The following SGCZ variants were observed in gnomAD, a reference collection of about 807,000 sequenced individuals.
The protein encoded by SGCZ is sarcoglycan zeta.
SGCZ carries 40 observed loss-of-function variants against 41.3 expected under a neutral mutation model. The ratio of observed to expected loss-of-function variants is 0.97; its 90% CI spans 0.75 to 1.26. The LOEUF is 1.26. Ranked by LOEUF, SGCZ falls within the 50% of genes most tolerant of loss-of-function variation. SGCZ has a pLI of 0.00. For synonymous variants in SGCZ, 206 were observed against 137.5 expected (o/e 1.50, Z -3.49); for missense variants, 552 against 369.8 (o/e 1.49, Z -4.04).
intron 1 of SGCZ, among the ~76,000 whole-genome samples, chr8:15,040,805 A>G (rs905249319): frequency 2.0e-5 from 3 of 152,204 alleles, no homozygotes; most frequent in Admixed American, 2.0e-4. Context: ...AAACATATCA[A>G]AAGATAATTT....
intron 3 of SGCZ, among the ~76,000 whole-genome samples, chr8:14,281,985 C>G (rs1292125834): frequency 6.6e-6 from 1 of 152,084 alleles, no homozygotes; most frequent in African/African-American, 2.4e-5. Context: ...CAACATTGAT[C>G]TAACCAAATG....
At chr8:14,500,088 A>G (rs1273136424) in intron 2 of SGCZ, among the ~76,000 whole-genome samples, 1 of 152,112 alleles carries the variant, frequency 6.6e-6, no homozygotes, top group African/African-American at 2.4e-5. Context: ...AAACACGGAG[A>G]GGGGAATTCG....
chr8:14,769,666 C>T (rs1220291754), intron 1 of SGCZ, among the ~76,000 whole-genome samples: 1 of 151,950 alleles, frequency 6.6e-6, no homozygotes, highest in Non-Finnish European at 1.5e-5. Flanking sequence ...GTGGCATGAG[C>T]CTGTAATCCC....
At chr8:14,519,307 T>C (rs1802718089) in intron 2 of SGCZ, among the ~76,000 whole-genome samples, 1 of 152,200 alleles carries the variant, frequency 6.6e-6, no homozygotes, top group Non-Finnish European at 1.5e-5. Context: ...GGATCTATTT[T>C]CAGCAGAGCA....
chr8:14,597,778 C>T (rs1805461204), intron 1 of SGCZ, among the ~76,000 whole-genome samples: 1 of 152,074 alleles, frequency 6.6e-6, no homozygotes, highest in Non-Finnish European at 1.5e-5. Flanking sequence ...CACCTGGCCT[C>T]ACTTCTTTTT....
intron 1 of SGCZ, among the ~76,000 whole-genome samples, chr8:15,116,137 T>C (rs899488630): frequency 5.9e-5 from 9 of 152,338 alleles, no homozygotes; most frequent in Middle Eastern, 6.8e-3. Context: ...TTAGTTTGCC[T>C]ATCTCTGCTC....
chr8:14,507,959 C>T (rs1045576596), intron 2 of SGCZ, among the ~76,000 whole-genome samples: 3 of 151,690 alleles, frequency 2.0e-5, no homozygotes, highest in Non-Finnish European at 4.4e-5. Flanking sequence ...TTAGTAGAGA[C>T]GGGGTTTTTC....
intron 4 of SGCZ, among the ~76,000 whole-genome samples, chr8:14,210,423 G>A (rs1026534640): frequency 1.3e-5 from 2 of 150,968 alleles, no homozygotes; most frequent in Non-Finnish European, 2.9e-5. Flanking sequence ...ACCCTTAATT[G>A]TTCCCTTTCT....
chr8:14,984,130 C>A (rs78297434), intron 1 of SGCZ, among the ~76,000 whole-genome samples: 12 of 152,030 alleles, frequency 7.9e-5, no homozygotes, highest in African/African-American at 2.9e-4. Context: ...ATATAGAGAG[C>A]GCTGTAGTAT....
chr8:14,338,231 G>C (rs1018219803), intron 2 of SGCZ, among the ~76,000 whole-genome samples: 32 of 152,158 alleles, frequency 2.1e-4, no homozygotes, highest in Non-Finnish European at 3.4e-4. Context: ...CCTAAGAAAG[G>C]AGGAGCTGGG....
chr8:15,005,783 CTT>C (rs1358147234), intron 1 of SGCZ, among the ~76,000 whole-genome samples: 1 of 152,134 alleles, frequency 6.6e-6, no homozygotes, highest in African/African-American at 2.4e-5. Context: ...CTTAACTAGT[CTT>C]TATTATGCTG....
At chr8:14,235,497 T>C (rs1005034885) in intron 4 of SGCZ, among the ~76,000 whole-genome samples, 1 of 152,202 alleles carries the variant, frequency 6.6e-6, no homozygotes, top group Non-Finnish European at 1.5e-5. Flanking sequence ...CAATATAACA[T>C]TAAAATCAGT....
chr8:14,604,234 A>G (rs542240444), intron 1 of SGCZ, among the ~76,000 whole-genome samples: 1 of 152,274 alleles, frequency 6.6e-6, no homozygotes, highest in Admixed American at 6.5e-5. Context: ...TTATAGAAGA[A>G]GAAGAATGAA....
At chr8:15,103,982 T>A (rs1432380532) in intron 1 of SGCZ, among the ~76,000 whole-genome samples, 1 of 152,198 alleles carries the variant, frequency 6.6e-6, no homozygotes, top group Non-Finnish European at 1.5e-5. Flanking sequence ...TAAGTGACCG[T>A]ACGCTGGATA....
chr8:14,218,344 G>C (rs971896654), intron 4 of SGCZ, among the ~76,000 whole-genome samples: 3 of 152,064 alleles, frequency 2.0e-5, no homozygotes, highest in Non-Finnish European at 4.4e-5. Flanking sequence ...ACATAAATAA[G>C]AAAAACTCTA....
chr8:14,732,442 A>G (rs192379747), intron 1 of SGCZ, among the ~76,000 whole-genome samples: 7 of 152,320 alleles, frequency 4.6e-5, no homozygotes, highest in Admixed American at 2.0e-4. Context: ...CTGGTTCTGT[A>G]TAAAAGAGAG....
chr8:14,766,050 C>T (rs1454955073), intron 1 of SGCZ, among the ~76,000 whole-genome samples: 1 of 151,560 alleles, frequency 6.6e-6, no homozygotes, highest in Non-Finnish European at 1.5e-5. Context: ...GCAACCTCCA[C>T]CTCCCGGGTT....
chr8:14,403,048 G>T lies in SGCZ; in HGVS notation c.235-78844C>A, dbSNP rs1296212898. On this transcript the variant is annotated intron_variant, in intron 2 of 7. Coordinates refer to ENST00000382080, the MANE Select transcript of SGCZ (RefSeq NM_139167.4). ...TCCTAGGTATTTTCTTCTCTTTGAA[G>T]CAATTGTGAATGGGAGTTCACTCAT... Among the ~76,000 whole-genome samples the T allele has an allele frequency of 8.6e-4, 126 of 146,254 alleles. 1 individual carries two copies. Among genetic ancestry groups the T allele is most frequent in the Middle Eastern group, 7.3e-3 (2 of 274 alleles).
At chr8:14,920,100 G>A (rs978950649) in intron 1 of SGCZ, among the ~76,000 whole-genome samples, 3 of 151,952 alleles carry the variant, frequency 2.0e-5, no homozygotes, top group African/African-American at 7.3e-5. Context: ...CATTTATCTG[G>A]GCTGCTTTGG....
Sources: gnomAD v4.1 joint callset for allele counts (sites outside exome capture counted in the v4.1 genomes callset) on GRCh38, gnomAD v4.1.1 for gene constraint, MANE v1.5 for transcripts, NCBI Gene and HGNC (gene_info 2026-07-23, HGNC 2026-07-21) for gene names.